The following NUP155 variants were observed in gnomAD, a reference collection of about 807,000 sequenced individuals.
NUP155 encodes the protein nucleoporin 155.
Under a neutral mutation model 180.4 loss-of-function variants are expected in NUP155, and 71 were observed. The observed-to-expected ratio is 0.39, with a 90% CI of 0.33 to 0.48. The LOEUF is 0.48. Ranked by LOEUF, NUP155 falls within the 20% of genes least tolerant of loss-of-function variation. NUP155 has a pLI of 0.91. For synonymous variants in NUP155, 582 were observed against 559.5 expected (o/e 1.04, Z -0.57); for missense variants, 1,553 against 1,648.9 (o/e 0.94, Z 1.01).
At chr5:37,332,313 CTTTTTT>C (rs1021002313) in intron 13 of NUP155, among the ~76,000 whole-genome samples, 1 of 87,728 alleles carries the variant, frequency 1.1e-5, no homozygotes, top group African/African-American at 5.6e-5. Flanking sequence ...GCCATTACAG[CTTTTTT>C]TTTTTTTTTT....
chr5:37,365,711 G>GGAA (rs1491216296), intron 1 of NUP155, among the ~76,000 whole-genome samples: 1,728 of 33,922 alleles, frequency 0.051, 482 homozygotes, highest in Middle Eastern at 0.067. Flanking sequence ...CTGTCTCGGG[G>GGAA]AGAAAAAAAA....
Position 37,342,590 on chromosome 5 carries a change from G to C in NUP155, c.1052C>G (p.Ser351Cys). The C allele has an allele frequency of 2.5e-6, 4 of 1,613,334 alleles. No individual in the cohort carries two copies. The Middle Eastern group carries it at 5.0e-4, about 200-fold the overall frequency. The change falls in exon 10 of 35, where the codon TCT (serine) becomes TGT (cysteine). Residue 351 changes from serine (S) to cysteine (C), a missense_variant. Ser to Cys is a moderately radical substitution (Grantham distance 112, BLOSUM62 -1). Coordinates refer to ENST00000231498, the MANE Select transcript of NUP155 (RefSeq NM_153485.3). ...CAATAACTGACAGTCCAGTGATTCAGAATTTTCAATCACTGCTATTTGGAC... is the reference window on the plus strand; with the variant it reads ...CAATAACTGACAGTCCAGTGATTCACAATTTTCAATCACTGCTATTTGGAC... ...PIVQIAVIEN[S>C]ESLDCQLLAV...
rs759680222 is a variant in NUP155, at chr5:37,314,265, T to C, written c.2369A>G (p.Gln790Arg). 2.5e-6 allele frequency: 4 copies of C among 1,609,856 alleles called. No individual in the cohort carries two copies. Among genetic ancestry groups the C allele is most frequent in the Non-Finnish European group, 3.4e-6 (4 of 1,176,372 alleles). ...AAGAAGTTTCCATAAAGCCAGAGCC[T>C]GATATGATTTTCGAACCAACTGCTG... ...AIQQLVRKSYQALALWKLLCE... is the reference protein window; with the variant it reads ...AIQQLVRKSYRALALWKLLCE... Residue 790 changes from glutamine to arginine, a missense_variant, in exon 22 of 35, where the codon CAG becomes CGG. Physicochemically the swap from Gln to Arg is conservative, Grantham distance 43. Coordinates refer to ENST00000231498, the MANE Select transcript of NUP155 (RefSeq NM_153485.3).
chr5:37,301,940 C>T (rs1158978643), intron 29 of NUP155, among the ~76,000 whole-genome samples: 1 of 152,164 alleles, frequency 6.6e-6, no homozygotes, highest in East Asian at 1.9e-4. Context: ...TCCTTCCACC[C>T]TCTGCTGAAG....
At chr5:37,342,154 A>G (rs1745769302) in intron 10 of NUP155, among the ~76,000 whole-genome samples, 1 of 151,994 alleles carries the variant, frequency 6.6e-6, no homozygotes, top group Non-Finnish European at 1.5e-5. Context: ...TCTTTCCATG[A>G]CAGCCTCCCA....
intron 9 of NUP155, among the ~76,000 whole-genome samples, chr5:37,345,510 C>CAA (rs570982659): frequency 0.028 from 1,846 of 67,036 alleles, 93 homozygotes; most frequent in African/African-American, 0.085. Context: ...GACTCCATTT[C>CAA]AAAAAAAAAA....
chr5:37,340,467 G>T (rs924629911), intron 11 of NUP155, among the ~76,000 whole-genome samples: 1 of 151,856 alleles, frequency 6.6e-6, no homozygotes, highest in African/African-American at 2.4e-5. Context: ...ATCAAAGTTG[G>T]AATAGTCACA....
At chr5:37,362,342 G>A (rs1481930753) in intron 3 of NUP155, among the ~76,000 whole-genome samples, 1 of 151,292 alleles carries the variant, frequency 6.6e-6, no homozygotes, top group Non-Finnish European at 1.5e-5. Context: ...AGGCTGGAGT[G>A]CAATGGCGCG....
Position 37,333,566 on chromosome 5 carries a change from A to T in NUP155, c.1415T>A (p.Ile472Lys). The stretch of plus-strand genomic sequence containing the variant: ...ATGATCCTTGTTTAAAGGTGTAATT[A>T]TTTTATCTACTTTCAATTCATCTAT... ...SAIDELKVDKIITPLNKDHIP... is the reference protein window; with the variant it reads ...SAIDELKVDKKITPLNKDHIP... The change falls in exon 13 of 35, where the codon ATA becomes AAA. Residue 472 changes from isoleucine to lysine, a missense_variant. Ile to Lys is a moderately radical substitution (Grantham distance 102). Transcript: ENST00000231498. 1 of 1,613,740 alleles carries T rather than the reference A, an allele frequency of 6.2e-7. No individual in the cohort carries two copies. Among genetic ancestry groups the T allele is most frequent in the Non-Finnish European group, 8.5e-7 (1 of 1,179,678 alleles).
At chr5:37,323,867 G>A in intron 20 of NUP155, 125 bp downstream of exon 20, 1 of 695,946 alleles carries the variant, frequency 1.4e-6, no homozygotes, top group Non-Finnish European at 2.6e-6. Context: ...GCATAACCTT[G>A]TAGATACACT....
Position 37,289,648 on chromosome 5 carries a change from G to A in NUP155, c.*2252C>T, listed in dbSNP as rs1172480881. The A allele has an allele frequency of 2.0e-5, 3 of 152,208 alleles. No individual in the cohort carries two copies. The highest frequency in any genetic ancestry group is 4.8e-5 in the African/African-American group (2 of 41,456). 9.4% of individuals were successfully genotyped at this position (152,208 alleles called of 1,614,324 possible). A position where few individuals can be genotyped will look rare whatever the true frequency, so the allele number is the denominator to read the frequency against. On this transcript the variant is annotated 3_prime_UTR_variant, in exon 35 of 35. Coordinates refer to ENST00000231498, the MANE Select transcript of NUP155 (RefSeq NM_153485.3). The stretch of plus-strand genomic sequence containing the variant: ...ATAAAAGGACAGTGTTCAGATTTCT[G>A]ACTCTAACAGACCATCTAACCATGG...
At chr5:37,327,507 C>G (rs1744678477) in intron 18 of NUP155, 122 bp downstream of exon 18, 2 of 1,016,778 alleles carry the variant, frequency 2.0e-6, no homozygotes, top group Non-Finnish European at 3.0e-6. Context: ...TATTGATCAA[C>G]AAGTGAGCTA....
chr5:37,320,340 G>A (rs1020328472), intron 20 of NUP155, among the ~76,000 whole-genome samples: 2 of 151,908 alleles, frequency 1.3e-5, no homozygotes, highest in African/African-American at 4.8e-5. Flanking sequence ...AGCTGGGCGT[G>A]GTGGCTCATG....
In NUP155 at chr5:37,289,308, CAAA is replaced by C. The variant is rs1389496656; in HGVS notation, c.*2589_*2591del. 2.6e-5 allele frequency: 4 copies of C among 152,420 alleles called. No homozygotes were observed. The East Asian group carries it at 7.7e-4, about 29-fold the overall frequency. 9.4% of individuals were successfully genotyped at this position (152,420 alleles called of 1,614,324 possible). A position where few individuals can be genotyped will look rare whatever the true frequency, so the allele number is the denominator to read the frequency against. ...AGGGCAAGCCCTTGTCTTCAAAAAA[CAAA>C]AAAATTCAAAAAAGTAATGCGTTGA... On this transcript the variant is annotated 3_prime_UTR_variant, in exon 35 of 35. Transcript: ENST00000231498.
In NUP155 at chr5:37,349,218, T is replaced by C. The variant is rs1464059376; in HGVS notation, c.857A>G (p.Asn286Ser). 2 of 837,510 alleles carry C rather than the reference T, an allele frequency of 2.4e-6. No homozygotes were observed. The highest frequency in any genetic ancestry group is 2.9e-5 in the East Asian group (1 of 34,448). 51.9% of individuals were successfully genotyped at this position (837,510 alleles called of 1,614,324 possible). A position where few individuals can be genotyped will look rare whatever the true frequency, so the allele number is the denominator to read the frequency against. ...TCGTGTATATAAAATATTTCTAGAA[T>C]TATCAATTGCAATTTGAAGAATAGG... ...DDPILQIAID[N>S]SRNILYTRSE... The change falls in exon 8 of 35, where the codon AAT becomes AGT. Residue 286 changes from asparagine (N) to serine (S), a missense_variant. By Grantham distance (46) the Asn-to-Ser change is conservative. Coordinates refer to ENST00000231498, the MANE Select transcript of NUP155 (RefSeq NM_153485.3).
intron 10 of NUP155, 97 bp downstream of exon 10, chr5:37,342,451 TA>T: frequency 1.3e-6 from 1 of 752,644 alleles, no homozygotes; most frequent in Non-Finnish European, 2.3e-6. Context: ...TTACGGCAGA[TA>T]TAGAAGGAAA....
At chr5:37,303,132 A>G in intron 28 of NUP155, 128 bp downstream of exon 28, 1 of 1,091,938 alleles carries the variant, frequency 9.2e-7, no homozygotes, top group Non-Finnish European at 1.3e-6. Context: ...CTAAAAAGTA[A>G]CATCCTATTT....
In NUP155 at chr5:37,333,542, T is replaced by C. The variant is rs1248493827; in HGVS notation, c.1439A>G (p.His480Arg). 15 of 1,613,790 alleles carry C rather than the reference T, an allele frequency of 9.3e-6. No homozygotes were observed. The highest frequency in any genetic ancestry group is 1.7e-5 in the Admixed American group (1 of 59,996). Residue 480 changes from histidine to arginine, a missense_variant, in exon 13 of 35, where the codon CAT becomes CGT. Coordinates refer to ENST00000231498, the MANE Select transcript of NUP155 (RefSeq NM_153485.3). ...DKIITPLNKD[H>R]IPITDSPVVV... ...AACTGGTGAATCAGTTATTGGAATA[T>C]GATCCTTGTTTAAAGGTGTAATTAT...
intron 16 of NUP155, 50 bp downstream of exon 16, chr5:37,329,125 ATTGCTATAAAGGTTC>A: frequency 3.4e-6 from 4 of 1,160,234 alleles, no homozygotes; most frequent in Non-Finnish European, 3.9e-6. Context: ...ATTGATAAAA[ATTGCTATAAAGGTTC>A]TAAGATTCAA....
Sources: gnomAD v4.1 joint callset for allele counts (sites outside exome capture counted in the v4.1 genomes callset) on GRCh38, gnomAD v4.1.1 for gene constraint, MANE v1.5 for transcripts, NCBI Gene and HGNC (gene_info 2026-07-23, HGNC 2026-07-21) for gene names.